Variants in TNMD observed in about 807,000 individuals in gnomAD.
TNMD encodes tenomodulin.
TNMD carries 15 observed loss-of-function variants against 26.9 expected under a neutral mutation model. That is an observed-to-expected ratio of 0.56 (90% CI 0.37 to 0.86). The LOEUF (loss-of-function observed/expected upper bound fraction) is 0.86. TNMD is among the 40% of genes least tolerant of loss of function. The pLI, the probability that TNMD is intolerant of heterozygous loss-of-function variation, is 0.00. For missense variants in TNMD, 222 were observed against 242.6 expected (o/e 0.92, Z 0.56); for synonymous variants, 73 against 77.0 (o/e 0.95, Z 0.27).
chrX:100,588,584 T>C (rs770339533), intron 2 of TNMD, among the ~76,000 whole-genome samples: 24 of 111,796 alleles, frequency 2.1e-4, no homozygotes, highest in Middle Eastern at 4.6e-3. Context: ...CCTGGGATCA[T>C]TGAAGCAGAA....
intron 2 of TNMD, among the ~76,000 whole-genome samples, chrX:100,588,999 C>A (rs1162778537): frequency 9.0e-6 from 1 of 111,366 alleles, no homozygotes; most frequent in Non-Finnish European, 1.9e-5. Flanking sequence ...ACCTCAGTTG[C>A]AGGTGATCAC....
At chrX:100,599,449 G>T in intron 6 of TNMD, 59 bp from the exon 7 acceptor site, 1 of 1,041,846 alleles carries the variant, frequency 9.6e-7, no homozygotes, top group South Asian at 2.0e-5. Flanking sequence ...TGCTTGGTGA[G>T]AACTCTTGCT....
At chrX:100,593,327 G>A (rs1027866540) in intron 2 of TNMD, 81 of 750,714 alleles carry the variant, frequency 1.1e-4, no homozygotes, top group Non-Finnish European at 1.2e-4. Flanking sequence ...GTTGGTTGCC[G>A]TATAAAGAGA....
Position 100,599,653 on chromosome X carries a change from G to A in TNMD, c.890G>A (p.Arg297Gln). The change falls in exon 7 of 7, where the codon CGA (arginine) becomes CAA (glutamine). Residue 297 changes from arginine to glutamine, a missense_variant. By Grantham distance (43) the Arg-to-Gln change is conservative. Transcript: ENST00000373031. ...YPYPYCYQGG[R>Q]VICRVIMPCN... ...TATCCATACTGCTACCAAGGAGGAC[G>A]AGTCATCTGTCGTGTCATCATGCCT... 3 of 1,211,837 alleles carry A rather than the reference G, an allele frequency of 2.5e-6. No homozygotes were observed. The highest frequency in any genetic ancestry group is 3.3e-6 in the Non-Finnish European group (3 of 895,551).
At chrX:100,597,715 T>C in intron 5 of TNMD, 58 bp downstream of exon 5, 1 of 1,086,179 alleles carries the variant, frequency 9.2e-7, no homozygotes, top group Non-Finnish European at 1.3e-6. Flanking sequence ...CAGGTTAATG[T>C]TCCCAGCATT....
chrX:100,593,081 T>C (rs185001881), intron 2 of TNMD, among the ~76,000 whole-genome samples: 1 of 112,179 alleles, frequency 8.9e-6, no homozygotes, highest in African/African-American at 3.2e-5. Flanking sequence ...GGACTGGTCC[T>C]CTTGGTCTTT....
intron 4 of TNMD, 136 bp downstream of exon 4, chrX:100,594,498 AT>A: frequency 2.6e-6 from 1 of 384,876 alleles, no homozygotes; most frequent in Non-Finnish European, 4.2e-6. Context: ...TGTTATCATC[AT>A]TTTCAGATCA....
intron 6 of TNMD, 40 bp from the exon 7 acceptor site, chrX:100,599,468 T>C (rs896761212): frequency 1.8e-6 from 2 of 1,133,049 alleles, no homozygotes; most frequent in African/African-American, 3.6e-5. Flanking sequence ...CTAGTGAACC[T>C]TCCTCTCCCA....
rs1427296412 is a variant in TNMD, at chrX:100,599,731, C to T, written c.*14C>T. 1 of 1,195,941 alleles carries T rather than the reference C, an allele frequency of 8.4e-7. No homozygotes were observed. The highest frequency in any genetic ancestry group is 1.1e-6 in the Non-Finnish European group (1 of 882,580). On this transcript the variant is annotated 3_prime_UTR_variant, in exon 7 of 7. Transcript: ENST00000373031. ...GGGAGGGTCTAATAGGAGGTTTGAG[C>T]TCAAATGCTTAAACTGCTGGCAACA...
At chrX:100,593,368 G>A (rs773343467) in intron 2 of TNMD, 115 of 751,945 alleles carry the variant, frequency 1.5e-4, no homozygotes, top group Non-Finnish European at 1.8e-4. Flanking sequence ...ATGTTTCCTG[G>A]AGTTTAAGGG....
intron 1 of TNMD, 65 bp from the exon 2 acceptor site, chrX:100,585,164 CTT>C (rs1439471137): frequency 1.7e-5 from 20 of 1,184,513 alleles, no homozygotes; most frequent in Non-Finnish European, 2.2e-5. Flanking sequence ...TCAAAGGTGA[CTT>C]TGAATTATGG....
chrX:100,597,702 T>A, intron 5 of TNMD, 45 bp downstream of exon 5: 1 of 1,133,589 alleles, frequency 8.8e-7, no homozygotes. Context: ...TCTAAGACAG[T>A]AACAGGTTAA....
At chrX:100,587,632 A>C (rs1189217801) in intron 2 of TNMD, among the ~76,000 whole-genome samples, 1 of 112,012 alleles carries the variant, frequency 8.9e-6, no homozygotes, top group Non-Finnish European at 1.9e-5. Context: ...GAAAACTAAG[A>C]AATCAGCTGG....
chrX:100,596,436 G>A (rs985849210), intron 4 of TNMD, among the ~76,000 whole-genome samples: 6 of 111,638 alleles, frequency 5.4e-5, no homozygotes, highest in Admixed American at 1.9e-4. Flanking sequence ...TTTAAATAAC[G>A]CAAATTCATT....
chrX:100,596,099 G>T (rs2082952155), intron 4 of TNMD, among the ~76,000 whole-genome samples: 1 of 112,515 alleles, frequency 8.9e-6, no homozygotes, highest in Non-Finnish European at 1.9e-5. Context: ...CGAAGAGGGG[G>T]ATCACTGGAG....
chrX:100,590,690 G>T (rs2082934804), intron 2 of TNMD, among the ~76,000 whole-genome samples: 1 of 111,458 alleles, frequency 9.0e-6, no homozygotes, highest in Admixed American at 9.5e-5. Context: ...CACTCCATTG[G>T]CTTCCTTGTT....
chrX:100,589,278 C>G (rs1045349633), intron 2 of TNMD, among the ~76,000 whole-genome samples: 2 of 108,661 alleles, frequency 1.8e-5, no homozygotes, highest in African/African-American at 6.7e-5. Flanking sequence ...ATTAATATAC[C>G]CTCAAGGAAA....
chrX:100,590,674 C>G (rs1490988315), intron 2 of TNMD, among the ~76,000 whole-genome samples: 1 of 111,679 alleles, frequency 9.0e-6, no homozygotes, highest in Non-Finnish European at 1.9e-5. Flanking sequence ...CTTCTGATTC[C>G]TATTCCACTC....
intron 2 of TNMD, among the ~76,000 whole-genome samples, chrX:100,591,312 C>G (rs778572107): frequency 1.3e-4 from 15 of 111,881 alleles, no homozygotes; most frequent in Non-Finnish European, 2.8e-4. Flanking sequence ...TCAGGCCAGT[C>G]ATCCTGTCTC....
Sources: gnomAD v4.1 joint callset for allele counts (sites outside exome capture counted in the v4.1 genomes callset) on GRCh38, gnomAD v4.1.1 for gene constraint, MANE v1.5 for transcripts, NCBI Gene and HGNC (gene_info 2026-07-23, HGNC 2026-07-21) for gene names.